The following OXSR1 variants were observed in gnomAD, a reference collection of about 807,000 sequenced individuals.
OXSR1 encodes the protein oxidative stress responsive kinase 1.
OXSR1 carries 24 observed loss-of-function variants against 79.8 expected under a neutral mutation model. The observed-to-expected ratio is 0.30, with a 90% CI of 0.22 to 0.42. OXSR1 has a LOEUF of 0.42. Ranked by LOEUF, OXSR1 falls within the 10% of genes least tolerant of loss-of-function variation. The pLI is 1.00. For missense variants in OXSR1, 430 were observed against 618.4 expected, an observed-to-expected ratio of 0.70 and a Z score of 3.23; for synonymous variants, 226 against 209.2, an observed-to-expected ratio of 1.08 and a Z score of -0.69.
intron 15 of OXSR1, among the ~76,000 whole-genome samples, chr3:38,250,750 AACATC>A (rs992885040): frequency 7.9e-5 from 12 of 152,202 alleles, no homozygotes; most frequent in African/African-American, 2.9e-4. Flanking sequence ...AACACCAGGC[AACATC>A]ACATTTTCAG....
At chr3:38,245,564 G>A (rs539484351) in intron 12 of OXSR1, among the ~76,000 whole-genome samples, 19 of 152,000 alleles carry the variant, frequency 1.3e-4, no homozygotes, top group Non-Finnish European at 2.6e-4. Context: ...TGTTTTGCTG[G>A]GCAAAGGAAT....
chr3:38,244,666 T>TGTGTGTGTGTGTGTGTGTGTGC (rs748851263), intron 12 of OXSR1, among the ~76,000 whole-genome samples: 2,730 of 143,916 alleles, frequency 0.019, 54 homozygotes, highest in Middle Eastern at 0.045. Context: ...TGTGTGTGTG[T>TGTGTGTGTGTGTGTGTGTGTGC]GCGTGCGCAT....
intron 5 of OXSR1, among the ~76,000 whole-genome samples, chr3:38,218,166 G>T (rs1702521297): frequency 6.6e-6 from 1 of 151,980 alleles, no homozygotes; most frequent in Non-Finnish European, 1.5e-5. Context: ...GTTATTCTGT[G>T]TTTAAGTTTT....
intron 3 of OXSR1, among the ~76,000 whole-genome samples, chr3:38,191,958 C>A (rs984436313): frequency 6.6e-6 from 1 of 152,152 alleles, no homozygotes. Context: ...GCTGATTAAT[C>A]TGTACTCTAG....
chr3:38,178,625 T>A (rs890616697), intron 1 of OXSR1, among the ~76,000 whole-genome samples: 4,789 of 123,074 alleles, frequency 0.039, 60 homozygotes, highest in Middle Eastern at 0.071. Context: ...TATATATTTT[T>A]TTTTTTTTTT....
chr3:38,228,829 C>T (rs991687340), intron 8 of OXSR1, among the ~76,000 whole-genome samples: 6 of 152,196 alleles, frequency 3.9e-5, no homozygotes, highest in African/African-American at 1.4e-4. Context: ...ACTTTGGCCT[C>T]CCAAAGTTCT....
At chr3:38,226,762 A>T (rs1010997130) in intron 8 of OXSR1, among the ~76,000 whole-genome samples, 1 of 151,928 alleles carries the variant, frequency 6.6e-6, no homozygotes, top group African/African-American at 2.4e-5. Context: ...CAAGGAAGAG[A>T]GACTAAGAAA....
chr3:38,224,196 A>C (rs1702644063), intron 7 of OXSR1, among the ~76,000 whole-genome samples: 1 of 152,208 alleles, frequency 6.6e-6, no homozygotes, highest in African/African-American at 2.4e-5. Flanking sequence ...CTTGGCAATC[A>C]CTTTTTGTCT....
intron 11 of OXSR1, among the ~76,000 whole-genome samples, chr3:38,241,962 A>G (rs1290128421): frequency 1.3e-5 from 2 of 151,706 alleles, no homozygotes; most frequent in Non-Finnish European, 2.9e-5. Flanking sequence ...TAAGTCCATC[A>G]TTGTCAGAAT....
In OXSR1 at chr3:38,198,760, G is replaced by A. The variant is rs1361197996; in HGVS notation, c.331G>A (p.Gly111Arg). Residue 111 changes from glycine to arginine, a missense_variant, in exon 4 of 18, where the codon GGG (glycine) becomes AGG (arginine). Coordinates refer to ENST00000311806, the MANE Select transcript of OXSR1 (RefSeq NM_005109.3). ...TATTATTAAGCACATTGTGGCAAAA[G>A]GGGAACACAAAAGTGGAGTCCTAGA... is the stretch of plus-strand genomic sequence containing the variant. ...LDIIKHIVAK[G>R]EHKSGVLDES... 6.2e-7 allele frequency: 1 copy of A among 1,613,310 alleles called. No homozygotes were observed. Among genetic ancestry groups the A allele is most frequent in the Admixed American group, 1.7e-5 (1 of 60,018 alleles).
intron 3 of OXSR1, 36 bp from the exon 4 acceptor site, chr3:38,198,686 T>C: frequency 6.5e-7 from 1 of 1,546,990 alleles, no homozygotes; most frequent in South Asian, 1.1e-5. Flanking sequence ...TTGAATGATT[T>C]AGAGATTTTT....
chr3:38,195,818 A>G (rs1189690439), intron 3 of OXSR1, among the ~76,000 whole-genome samples: 1 of 152,238 alleles, frequency 6.6e-6, no homozygotes, highest in Non-Finnish European at 1.5e-5. Context: ...GTTCCATGCC[A>G]CAGGCTATGA....
chr3:38,215,864 A>T (rs1247101014), intron 4 of OXSR1, among the ~76,000 whole-genome samples: 2 of 152,156 alleles, frequency 1.3e-5, no homozygotes, highest in East Asian at 3.8e-4. Context: ...AGAATATTTG[A>T]TCACTTGTGT....
intron 13 of OXSR1, among the ~76,000 whole-genome samples, chr3:38,246,943 A>G (rs1703153475): frequency 6.6e-6 from 1 of 151,928 alleles, no homozygotes; most frequent in African/African-American, 2.4e-5. Context: ...ATGAAAAGAA[A>G]TATAAATTAA....
intron 2 of OXSR1, among the ~76,000 whole-genome samples, chr3:38,188,908 C>A (rs73062858): frequency 3.9e-5 from 6 of 152,144 alleles, no homozygotes; most frequent in African/African-American, 1.4e-4. Flanking sequence ...TGTCTAACTT[C>A]TTTACCAAAC....
rs1361393269 is a variant in OXSR1, at chr3:38,165,737, G to A, written c.-140G>A. 3 of 726,004 alleles carry A rather than the reference G, an allele frequency of 4.1e-6. No homozygotes were observed. The highest frequency in any genetic ancestry group is 3.7e-5 in the African/African-American group (2 of 53,564). 45.0% of individuals were successfully genotyped at this position (726,004 alleles called of 1,614,324 possible). A position where few individuals can be genotyped will look rare whatever the true frequency, so the allele number is the denominator to read the frequency against. ...CGCGGTGACCCCGCGCCCCGGCGCC[G>A]TCCGACCCGTGGCTGTTCCGAGACG... On this transcript the variant is annotated 5_prime_UTR_variant, in exon 1 of 18. Coordinates refer to ENST00000311806, the MANE Select transcript of OXSR1 (RefSeq NM_005109.3).
At chr3:38,237,515 T>C (rs528851823) in intron 11 of OXSR1, among the ~76,000 whole-genome samples, 3 of 152,318 alleles carry the variant, frequency 2.0e-5, no homozygotes, top group South Asian at 2.1e-4. Flanking sequence ...TAAGGAAATA[T>C]AAATGTTTGA....
chr3:38,183,156 A>G (rs772702594), intron 2 of OXSR1, 41 bp downstream of exon 2: 74 of 968,938 alleles, frequency 7.6e-5, no homozygotes, highest in Non-Finnish European at 1.1e-4. Context: ...AGATATACTC[A>G]TATATTCACA....
upstream of OXSR1, chr3:38,165,499 C>A (rs759717257): frequency 1.4e-4 from 34 of 235,366 alleles, no homozygotes; most frequent in Non-Finnish European, 2.1e-4. Context: ...GACGTCAGCG[C>A]GCTGCGTGTC....
Sources: allele counts gnomAD v4.1 joint callset (sites outside exome capture counted in the v4.1 genomes callset), GRCh38; gene constraint gnomAD v4.1.1; transcripts MANE v1.5; gene names NCBI Gene and HGNC (gene_info 2026-07-23, HGNC 2026-07-21).